MARCHF1: variants seen among roughly 807,000 people sequenced by gnomAD.
The protein encoded by MARCHF1 is E3 ubiquitin-protein ligase MARCHF1.
Under a neutral mutation model 54.2 loss-of-function variants are expected in MARCHF1, and 40 were observed. That is an observed-to-expected ratio of 0.74 (90% CI 0.57 to 0.96). The LOEUF is 0.96. MARCHF1 is among the 40% of genes least tolerant of loss of function. The pLI, the probability that MARCHF1 is intolerant of heterozygous loss-of-function variation, is 0.00. For synonymous variants in MARCHF1, 236 were observed against 236.3 expected (o/e 1.00, Z 0.01); for missense variants, 586 against 656.5 (o/e 0.89, Z 1.17).
At chr4:163,559,875 G>A (rs1390845661) in intron 8 of MARCHF1, among the ~76,000 whole-genome samples, 1 of 152,160 alleles carries the variant, frequency 6.6e-6, no homozygotes, top group Non-Finnish European at 1.5e-5. Context: ...GTCAGCCTCG[G>A]AAATCTAGTG....
At chr4:163,869,626 G>A (rs1400654794) in intron 3 of MARCHF1, among the ~76,000 whole-genome samples, 1 of 151,992 alleles carries the variant, frequency 6.6e-6, no homozygotes, top group Non-Finnish European at 1.5e-5. Context: ...GAAAAATGCT[G>A]ATACAAGAGA....
chr4:163,648,050 G>A (rs1351486436), intron 5 of MARCHF1, among the ~76,000 whole-genome samples: 1 of 151,718 alleles, frequency 6.6e-6, no homozygotes, highest in Non-Finnish European at 1.5e-5. Context: ...TTGCCCACAA[G>A]AAAGGAAGCA....
chr4:163,643,940 T>A (rs188984691), intron 5 of MARCHF1, among the ~76,000 whole-genome samples: 1 of 152,242 alleles, frequency 6.6e-6, no homozygotes, highest in Admixed American at 6.5e-5. Flanking sequence ...AATGTAAGAG[T>A]ACAAATGACA....
intron 3 of MARCHF1, among the ~76,000 whole-genome samples, chr4:163,921,473 A>C (rs1751429028): frequency 6.6e-6 from 1 of 152,184 alleles, no homozygotes. Flanking sequence ...GAAATTAAAA[A>C]ATTATTGTGG....
At chr4:164,152,662 C>T (rs1416600802) in intron 1 of MARCHF1, among the ~76,000 whole-genome samples, 1 of 152,102 alleles carries the variant, frequency 6.6e-6, no homozygotes, top group Non-Finnish European at 1.5e-5. Flanking sequence ...AGACAATCAA[C>T]TAAGAGCCAG....
At chr4:164,199,669 C>CAG (rs1240485134) in intron 1 of MARCHF1, among the ~76,000 whole-genome samples, 212 of 60,706 alleles carry the variant, frequency 3.5e-3, no homozygotes, top group Middle Eastern at 7.6e-3. Flanking sequence ...CACACACACA[C>CAG]ACACACACAC....
chr4:163,969,245 T>A (rs997841543), intron 3 of MARCHF1, among the ~76,000 whole-genome samples: 1 of 152,196 alleles, frequency 6.6e-6, no homozygotes, highest in African/African-American at 2.4e-5. Flanking sequence ...TCATATTTTG[T>A]GCTAAGCTCA....
intron 4 of MARCHF1, among the ~76,000 whole-genome samples, chr4:163,808,697 T>C (rs1748298090): frequency 6.6e-6 from 1 of 152,072 alleles, no homozygotes; most frequent in South Asian, 2.1e-4. Flanking sequence ...GCCTCCCAAG[T>C]AGCTGGGACT....
At chr4:164,262,123 A>G (rs1378390283) in intron 1 of MARCHF1, among the ~76,000 whole-genome samples, 1 of 145,496 alleles carries the variant, frequency 6.9e-6, no homozygotes, top group Non-Finnish European at 1.5e-5. Context: ...AAAAAAAAAA[A>G]AAGAATAGAG....
chr4:163,728,145 A>G (rs1303762600), intron 4 of MARCHF1, among the ~76,000 whole-genome samples: 1 of 152,114 alleles, frequency 6.6e-6, no homozygotes, highest in Non-Finnish European at 1.5e-5. Flanking sequence ...CACGCAGTTA[A>G]GTTTTTTGTA....
intron 4 of MARCHF1, among the ~76,000 whole-genome samples, chr4:163,748,971 G>T (rs1004679209): frequency 1.2e-4 from 18 of 152,200 alleles, no homozygotes; most frequent in African/African-American, 4.3e-4. Context: ...GAACGTGTAA[G>T]GGTCAAGAGC....
intron 1 of MARCHF1, among the ~76,000 whole-genome samples, chr4:164,303,947 G>A (rs1424694965): frequency 1.3e-5 from 2 of 152,190 alleles, no homozygotes; most frequent in East Asian, 1.9e-4. Flanking sequence ...CCAAATAAAA[G>A]CTTTCCTATC....
At chr4:164,171,380 T>C (rs1210518320) in intron 1 of MARCHF1, among the ~76,000 whole-genome samples, 1 of 152,110 alleles carries the variant, frequency 6.6e-6, no homozygotes, top group African/African-American at 2.4e-5. Context: ...AAGAATAATA[T>C]AGAGTAGTAA....
At chr4:164,155,156 C>A (rs1188657810) in intron 1 of MARCHF1, among the ~76,000 whole-genome samples, 2 of 152,120 alleles carry the variant, frequency 1.3e-5, no homozygotes, top group African/African-American at 4.8e-5. Flanking sequence ...GGCCAAAAGG[C>A]AACTTTTTGG....
intron 3 of MARCHF1, among the ~76,000 whole-genome samples, chr4:163,873,857 G>C (rs771091086): frequency 1.3e-5 from 2 of 152,090 alleles, no homozygotes; most frequent in Admixed American, 1.3e-4. Flanking sequence ...GCTTTTATGC[G>C]TTTACCCTCA....
intron 2 of MARCHF1, among the ~76,000 whole-genome samples, chr4:164,071,566 TTTAAG>T (rs1343156152): frequency 2.0e-5 from 3 of 152,184 alleles, no homozygotes; most frequent in Non-Finnish European, 4.4e-5. Context: ...AATACATATT[TTTAAG>T]TTAATAGTCA....
At chr4:163,946,925 T>G (rs1752037436) in intron 3 of MARCHF1, among the ~76,000 whole-genome samples, 1 of 152,226 alleles carries the variant, frequency 6.6e-6, no homozygotes, top group South Asian at 2.1e-4. Flanking sequence ...CCCTATCAAA[T>G]TCTATAAAGA....
At chr4:163,986,249 C>CCTTTTTTTTTTTTTTTTTTTTTTTTTT (rs1752864138) in intron 3 of MARCHF1, among the ~76,000 whole-genome samples, 2 of 28,830 alleles carry the variant, frequency 6.9e-5, no homozygotes, top group African/African-American at 9.9e-5. Context: ...TTAACCTCTT[C>CCTTTTTTTTTTTTTTTTTTTTTTTTTT]TTTTTTTTTT....
intron 2 of MARCHF1, among the ~76,000 whole-genome samples, chr4:164,035,182 CAA>C (rs1005508301): frequency 2.0e-5 from 3 of 152,040 alleles, no homozygotes; most frequent in Middle Eastern, 3.4e-3. Flanking sequence ...TAAGTCTAAT[CAA>C]AGAGTTTTAT....
Sources: gnomAD v4.1 joint callset for allele counts (sites outside exome capture counted in the v4.1 genomes callset) on GRCh38, gnomAD v4.1.1 for gene constraint, MANE v1.5 for transcripts, NCBI Gene and HGNC (gene_info 2026-07-23, HGNC 2026-07-21) for gene names.